The following PIGK variants were observed in gnomAD, a reference collection of about 807,000 sequenced individuals.
The protein encoded by PIGK is phosphatidylinositol glycan anchor biosynthesis class K, also known as GPI-anchor transamidase.
A neutral mutation model predicts 50.6 loss-of-function variants in PIGK; 42 were observed. The observed-to-expected ratio is 0.83, with a 90% confidence interval of 0.65 to 1.07. The LOEUF (loss-of-function observed/expected upper bound fraction) is 1.07, where lower values mean the gene tolerates loss of function less well. Ranked by LOEUF, PIGK falls within the 50% of genes least tolerant of loss-of-function variation. The pLI, the probability that PIGK is intolerant of heterozygous loss-of-function variation, is 0.00. For synonymous variants in PIGK, 151 were observed against 156.0 expected (o/e 0.97, Z 0.24); for missense variants, 448 against 488.7 (o/e 0.92, Z 0.78).
At chr1:77,195,359 C>T (rs1252546560) in intron 3 of PIGK, 94 of 1,253,430 alleles carry the variant, frequency 7.5e-5, no homozygotes, top group Non-Finnish European at 3.4e-6. Context: ...GAGGCACAGG[C>T]ACTTCTCCAG....
intron 4 of PIGK, among the ~76,000 whole-genome samples, chr1:77,168,872 T>C (rs976156172): frequency 1.3e-5 from 2 of 152,114 alleles, no homozygotes; most frequent in Non-Finnish European, 2.9e-5. Context: ...TGGAAGTATA[T>C]TGAAACTATA....
At chr1:77,210,198 C>A (rs1656384890) in intron 2 of PIGK, among the ~76,000 whole-genome samples, 2 of 151,962 alleles carry the variant, frequency 1.3e-5, no homozygotes, top group Admixed American at 1.3e-4. Flanking sequence ...CAATAGCATT[C>A]CTAATTTATT....
At chr1:77,213,059 G>T (rs1656456617) in intron 1 of PIGK, among the ~76,000 whole-genome samples, 1 of 152,114 alleles carries the variant, frequency 6.6e-6, no homozygotes, top group Non-Finnish European at 1.5e-5. Flanking sequence ...CGAGGAGCTG[G>T]GACTACAGGT....
chr1:77,167,085 T>C (rs1375496827), intron 4 of PIGK, among the ~76,000 whole-genome samples: 1 of 152,218 alleles, frequency 6.6e-6, no homozygotes, highest in African/African-American at 2.4e-5. Flanking sequence ...CTCATGCCTA[T>C]CAACTCAGCA....
intron 5 of PIGK, among the ~76,000 whole-genome samples, chr1:77,164,882 C>T (rs1655202209): frequency 6.6e-6 from 1 of 152,096 alleles, no homozygotes; most frequent in African/African-American, 2.4e-5. Context: ...GTATACTATG[C>T]CTCCATAAAT....
intron 10 of PIGK, among the ~76,000 whole-genome samples, chr1:77,103,163 T>C (rs1329654201): frequency 6.6e-6 from 1 of 152,202 alleles, no homozygotes; most frequent in Non-Finnish European, 1.5e-5. Context: ...TATCAGTTTG[T>C]TCCATTATTG....
chr1:77,141,878 C>T (rs1225555705), intron 9 of PIGK, among the ~76,000 whole-genome samples: 2 of 151,900 alleles, frequency 1.3e-5, no homozygotes, highest in African/African-American at 4.8e-5. Flanking sequence ...AGCTTTCTAA[C>T]AAATAAAAGT....
chr1:77,177,779 T>C (rs147639505), intron 3 of PIGK, among the ~76,000 whole-genome samples: 11 of 152,236 alleles, frequency 7.2e-5, no homozygotes, highest in Non-Finnish European at 1.5e-4. Context: ...TCTGAAAACA[T>C]CAGAGAAACA....
intron 10 of PIGK, among the ~76,000 whole-genome samples, chr1:77,103,169 T>C (rs1653586984): frequency 6.6e-6 from 1 of 152,214 alleles, no homozygotes; most frequent in African/African-American, 2.4e-5. Flanking sequence ...TTTGTTCCAT[T>C]ATTGGTGATG....
chr1:77,196,965 T>G (rs1342283966), intron 3 of PIGK, among the ~76,000 whole-genome samples: 1 of 152,182 alleles, frequency 6.6e-6, no homozygotes, highest in Non-Finnish European at 1.5e-5. Context: ...CATTTATATC[T>G]GTAATCCATC....
At chr1:77,147,539 T>C (rs1293060246) in intron 9 of PIGK, among the ~76,000 whole-genome samples, 2 of 152,240 alleles carry the variant, frequency 1.3e-5, no homozygotes, top group African/African-American at 4.8e-5. Flanking sequence ...CACTAAAATG[T>C]GCAAAATTTT....
rs1353339124 is a variant in PIGK, at chr1:77,115,171, G to C, written c.1071+7104C>G. On this transcript the variant is annotated intron_variant, in intron 10 of 10. Coordinates refer to ENST00000370812, the MANE Select transcript of PIGK (RefSeq NM_005482.3). The stretch of plus-strand genomic sequence containing the variant: ...AATGATAAACAAAAACAGAAGAATT[G>C]AAAAATTACCACAATCCATGTCATA... Among the ~76,000 whole-genome samples, 5 of 152,154 alleles carry C rather than the reference G, an allele frequency of 3.3e-5. No homozygotes were observed. In the South Asian group the frequency reaches 6.2e-4, roughly 19 times the overall value.
chr1:77,129,750 G>A (rs1570206322), intron 9 of PIGK: 1 of 862,058 alleles, frequency 1.2e-6, no homozygotes. Flanking sequence ...TTTACTATCT[G>A]GCCCTTTACA....
Position 77,206,657 on chromosome 1 carries a change from CCT to C in PIGK, c.220_221del (p.Arg74AlafsTer5). The C allele has an allele frequency of 6.2e-7, 1 of 1,603,090 alleles. No individual in the cohort carries two copies. The highest frequency in any genetic ancestry group is 8.5e-7 in the Non-Finnish European group (1 of 1,170,366). The part of the protein sequence containing the change: ...NTLSVYRSVK[R>X]LGIPDSHIVL... ...CTTCTTACCTGTCAGGAATACCTAG[CCT>C]CTTGACACTTCTATAAACAGAAAGG... is the stretch of plus-strand genomic sequence containing the variant. On this transcript the variant is annotated frameshift_variant, in exon 3 of 11. Coordinates refer to ENST00000370812, the MANE Select transcript of PIGK (RefSeq NM_005482.3). LOFTEE classifies it high-confidence loss of function.
At chr1:77,161,760 T>C (rs760100477) in intron 6 of PIGK, 49 bp from the exon 7 acceptor site, 1 of 786,936 alleles carries the variant, frequency 1.3e-6, no homozygotes, top group South Asian at 1.4e-5. Context: ...CTGTAAATCA[T>C]ACACTAATAT....
chr1:77,204,482 A>G (rs1426730114), intron 3 of PIGK, among the ~76,000 whole-genome samples: 1 of 152,082 alleles, frequency 6.6e-6, no homozygotes, highest in African/African-American at 2.4e-5. Context: ...GTGATATTTT[A>G]TTGCCCTTGA....
chr1:77,095,651 A>G (rs1410033352), intron 10 of PIGK, among the ~76,000 whole-genome samples: 1 of 152,186 alleles, frequency 6.6e-6, no homozygotes, highest in Non-Finnish European at 1.5e-5. Flanking sequence ...TGCAGAGACC[A>G]GAAAATGCAG....
chr1:77,216,330 C>T (rs981150783), intron 1 of PIGK, among the ~76,000 whole-genome samples: 1 of 152,096 alleles, frequency 6.6e-6, no homozygotes, highest in Admixed American at 6.5e-5. Flanking sequence ...TGTGAAATAT[C>T]ATTAACAGAT....
intron 3 of PIGK, among the ~76,000 whole-genome samples, chr1:77,173,696 C>A (rs1655416550): frequency 1.3e-5 from 2 of 152,190 alleles, no homozygotes; most frequent in South Asian, 2.1e-4. Context: ...GTGTCCTTGT[C>A]TTTCTGTATG....
Sources: gnomAD v4.1 joint callset for allele counts (sites outside exome capture counted in the v4.1 genomes callset) on GRCh38, gnomAD v4.1.1 for gene constraint, MANE v1.5 for transcripts, NCBI Gene and HGNC (gene_info 2026-07-23, HGNC 2026-07-21) for gene names.